ARRB1: variants seen among roughly 807,000 people sequenced by gnomAD.
ARRB1 encodes beta-arrestin-1.
In ARRB1, 21 loss-of-function variants were observed where a neutral mutation model predicts 56.8. That is an observed-to-expected ratio of 0.37 (90% confidence interval 0.26 to 0.53). The LOEUF (loss-of-function observed/expected upper bound fraction) is 0.53, where lower values mean the gene tolerates loss of function less well. Among genes scored for constraint, ARRB1 ranks in the 20% least tolerant of loss-of-function variants. The pLI is 0.88. For synonymous variants in ARRB1, 210 were observed against 218.6 expected, an observed-to-expected ratio of 0.96 and a Z score of 0.35; for missense variants, 424 against 553.7, an observed-to-expected ratio of 0.77 and a Z score of 2.35.
chr11:75,299,509 T>C (rs180949327), intron 1 of ARRB1, among the ~76,000 whole-genome samples: 9 of 152,078 alleles, frequency 5.9e-5, no homozygotes, highest in East Asian at 1.9e-4. Context: ...AATGCTTTGA[T>C]GTAAGAGTCT....
intron 1 of ARRB1, among the ~76,000 whole-genome samples, chr11:75,323,341 G>C (rs887925076): frequency 6.6e-6 from 1 of 152,168 alleles, no homozygotes; most frequent in Admixed American, 6.5e-5. Flanking sequence ...TAGAGGGGCC[G>C]GGCGTGGTGG....
chr11:75,311,131 A>G (rs2140482109), intron 1 of ARRB1, among the ~76,000 whole-genome samples: 1 of 152,210 alleles, frequency 6.6e-6, no homozygotes, highest in African/African-American at 2.4e-5. Flanking sequence ...GAGGTCAGGA[A>G]TTCGAGACCA....
At chr11:75,342,317 C>G (rs147849579) in intron 1 of ARRB1, among the ~76,000 whole-genome samples, 7 of 152,248 alleles carry the variant, frequency 4.6e-5, no homozygotes, top group Admixed American at 3.9e-4. Flanking sequence ...CCCAGCCTCA[C>G]CACCTCACCC....
At chr11:75,294,361 A>AAT (rs1946676788) in intron 1 of ARRB1, among the ~76,000 whole-genome samples, 1 of 152,114 alleles carries the variant, frequency 6.6e-6, no homozygotes, top group South Asian at 2.1e-4. Flanking sequence ...GTTCAAGACC[A>AAT]GCCTGGTCAA....
intron 8 of ARRB1, among the ~76,000 whole-genome samples, 192 bp downstream of exon 8, chr11:75,278,417 C>A (rs1946248248): frequency 6.6e-6 from 1 of 152,238 alleles, no homozygotes; most frequent in Non-Finnish European, 1.5e-5. Flanking sequence ...GCCCCCTTTG[C>A]CACTCCTTTA....
chr11:75,273,090 C>A (rs1267977123), intron 11 of ARRB1, 112 bp from the exon 12 acceptor site: 7 of 860,120 alleles, frequency 8.1e-6, no homozygotes, highest in Admixed American at 2.0e-5. Context: ...TGGCTAGCCA[C>A]TCAGCTACCA....
intron 1 of ARRB1, among the ~76,000 whole-genome samples, chr11:75,343,461 G>T (rs1013431324): frequency 6.6e-6 from 1 of 152,278 alleles, no homozygotes; most frequent in South Asian, 2.1e-4. Flanking sequence ...AGGCAGGGCC[G>T]GTGAGACGTC....
At chr11:75,328,551 C>A (rs558156533) in intron 1 of ARRB1, among the ~76,000 whole-genome samples, 20 of 152,344 alleles carry the variant, frequency 1.3e-4, no homozygotes, top group African/African-American at 4.6e-4. Flanking sequence ...CTTCTTACAT[C>A]CTTGTCTCCC....
At position 75,281,287 on chromosome 11, in the gene ARRB1, C is replaced by G. The variant is rs144216992; in HGVS notation, c.415-145G>C. The G allele has an allele frequency of 2.1e-5, 16 of 778,460 alleles. No individual in the cohort carries two copies. In the African/African-American group the frequency reaches 2.6e-4, roughly 13 times the overall value. The allele number at this position is 778,460 out of a possible 1,614,324, so 48.2% of individuals were successfully genotyped here. A position where few individuals can be genotyped will look rare whatever the true frequency, so the allele number is the denominator to read the frequency against. Reference sequence around the variant, plus strand: ...CCAGCCTTCCTTGGTCTGGAAGAAGCGGGGGAACGCCCTTGTGCTCAGCCC... The same window carrying G: ...CCAGCCTTCCTTGGTCTGGAAGAAGGGGGGGAACGCCCTTGTGCTCAGCCC... On this transcript the variant is annotated intron_variant, in intron 6 of 15. Coordinates refer to ENST00000420843, the MANE Select transcript of ARRB1 (RefSeq NM_004041.5).
chr11:75,331,216 G>A (rs568752484), intron 1 of ARRB1, among the ~76,000 whole-genome samples: 9 of 152,160 alleles, frequency 5.9e-5, no homozygotes, highest in Non-Finnish European at 8.8e-5. Flanking sequence ...TCACCATGTT[G>A]GCCAGGCTGG....
chr11:75,340,040 C>T (rs1405583262), intron 1 of ARRB1, among the ~76,000 whole-genome samples: 2 of 152,202 alleles, frequency 1.3e-5, no homozygotes, highest in South Asian at 4.1e-4. Flanking sequence ...CCTTCCCACT[C>T]GGAGAGAGAC....
chr11:75,268,510 CAAAAAAAAAA>C (rs61409833), intron 14 of ARRB1, among the ~76,000 whole-genome samples: 13 of 61,428 alleles, frequency 2.1e-4, no homozygotes, highest in South Asian at 1.3e-3. Flanking sequence ...GTCTCAAAAC[CAAAAAAAAAA>C]AAAAAAAAAA....
At chr11:75,329,763 T>C (rs1284394063) in intron 1 of ARRB1, among the ~76,000 whole-genome samples, 2 of 151,972 alleles carry the variant, frequency 1.3e-5, no homozygotes, top group Non-Finnish European at 2.9e-5. Context: ...GAGATCAAGG[T>C]GGGAGGATTG....
chr11:75,346,046 C>G (rs908465881), intron 1 of ARRB1, among the ~76,000 whole-genome samples: 1 of 152,090 alleles, frequency 6.6e-6, no homozygotes, highest in East Asian at 1.9e-4. Flanking sequence ...GAAACCACCC[C>G]CTCCAGCATC....
At chr11:75,280,906 C>T in intron 7 of ARRB1, 169 bp downstream of exon 7, 3 of 733,996 alleles carry the variant, frequency 4.1e-6, no homozygotes, top group South Asian at 1.7e-5. Context: ...GCCACCTCCC[C>T]AAGGAAGCCC....
At chr11:75,300,282 T>C (rs1946869876) in intron 1 of ARRB1, among the ~76,000 whole-genome samples, 1 of 152,036 alleles carries the variant, frequency 6.6e-6, no homozygotes, top group South Asian at 2.1e-4. Context: ...CAGGTCCAGT[T>C]ACTGCTGTAA....
In ARRB1 at chr11:75,266,002, C is replaced by T. The variant is rs1945898222; in HGVS notation, c.*161G>A. 3 of 630,438 alleles carry T rather than the reference C, an allele frequency of 4.8e-6. No individual in the cohort carries two copies. The African/African-American group carries it at 5.5e-5, about 12-fold the overall frequency. The allele number at this position is 630,438 out of a possible 1,614,324, so 39.1% of individuals were successfully genotyped here. A position where few individuals can be genotyped will look rare whatever the true frequency, so the allele number is the denominator to read the frequency against. ...TTGGCGTGGTGATGTGGGGCCAATC[C>T]TGAGGCCAGAGGTTCATCACCGTGA... On this transcript the variant is annotated 3_prime_UTR_variant, in exon 16 of 16. Coordinates refer to ENST00000420843, the MANE Select transcript of ARRB1 (RefSeq NM_004041.5).
At chr11:75,298,859 G>A (rs1166768235) in intron 1 of ARRB1, among the ~76,000 whole-genome samples, 1 of 151,668 alleles carries the variant, frequency 6.6e-6, no homozygotes. Flanking sequence ...CATAAAATGG[G>A]ATGAAGTACT....
chr11:75,276,851 A>G lies in ARRB1; in HGVS notation c.764T>C (p.Met255Thr). Residue 255 changes from methionine to threonine, a missense_variant, in exon 10 of 16, where the codon ATG (methionine) becomes ACG (threonine). Met to Thr is a moderately conservative substitution (Grantham distance 81). This residue lies in a region of ARRB1 where 301 missense variants were observed against 387.9 expected (regional missense o/e 0.78). Coordinates refer to ENST00000420843, the MANE Select transcript of ARRB1 (RefSeq NM_004041.5). ...TGTGCCCACTTACTCAGCCTCTTCC[A>G]TGGCAACAGGGCACTTGTACTGAGC... is the stretch of plus-strand genomic sequence containing the variant. ...NTAQYKCPVAMEEADDTVAPS... is the reference protein window; with the variant it reads ...NTAQYKCPVATEEADDTVAPS... The G allele has an allele frequency of 6.2e-7, 1 of 1,614,112 alleles. No homozygotes were observed. The highest frequency in any genetic ancestry group is 8.5e-7 in the Non-Finnish European group (1 of 1,179,960).
Sources: allele counts gnomAD v4.1 joint callset (sites outside exome capture counted in the v4.1 genomes callset), GRCh38; gene constraint gnomAD v4.1.1; regional missense constraint gnomAD v4.1.1; transcripts MANE v1.5; gene names NCBI Gene and HGNC (gene_info 2026-07-23, HGNC 2026-07-21).